The following FKBP9 variants were observed in gnomAD, a reference collection of about 807,000 sequenced individuals.
FKBP9 encodes peptidyl-prolyl cis-trans isomerase FKBP9.
FKBP9 carries 27 observed loss-of-function variants against 55.6 expected under a neutral mutation model. The observed-to-expected ratio is 0.49, with a 90% confidence interval of 0.36 to 0.67. The LOEUF (loss-of-function observed/expected upper bound fraction) is 0.67. Ranked by LOEUF, FKBP9 falls within the 30% of genes least tolerant of loss-of-function variation. The probability of loss-of-function intolerance (pLI) is 0.00; values close to 1 mark genes in which losing one functional copy is unlikely to be tolerated. For synonymous variants in FKBP9, 267 were observed against 296.5 expected (o/e 0.90, Z 1.02); for missense variants, 539 against 742.8 (o/e 0.73, Z 3.19).
At chr7:32,997,776 C>T (rs1283412056) in intron 7 of FKBP9, among the ~76,000 whole-genome samples, 2 of 152,094 alleles carry the variant, frequency 1.3e-5, no homozygotes, top group East Asian at 1.9e-4. Flanking sequence ...TGTAGTGAGC[C>T]GAGATAGCAC....
At chr7:32,958,309 C>G (rs2127974274) in intron 1 of FKBP9, among the ~76,000 whole-genome samples, 1 of 152,328 alleles carries the variant, frequency 6.6e-6, no homozygotes, top group Non-Finnish European at 1.5e-5. Context: ...TAAGTACTTT[C>G]CATATTGTAG....
intron 7 of FKBP9, among the ~76,000 whole-genome samples, chr7:32,997,125 AG>A (rs1784832653): frequency 6.6e-6 from 1 of 151,924 alleles, no homozygotes; most frequent in Admixed American, 6.6e-5. Context: ...GCTGGAGTGC[AG>A]TGGTGCTATC....
intron 5 of FKBP9, among the ~76,000 whole-genome samples, 185 bp downstream of exon 5, chr7:32,980,738 CT>C (rs573436019): frequency 3.3e-5 from 5 of 150,282 alleles, no homozygotes; most frequent in African/African-American, 1.2e-4. Context: ...TTCTTTCTTT[CT>C]TTTTTTTTGA....
chr7:32,960,207 C>T (rs181363835), intron 1 of FKBP9, among the ~76,000 whole-genome samples: 3 of 151,568 alleles, frequency 2.0e-5, no homozygotes, highest in African/African-American at 4.8e-5. Context: ...CCCTGCCTCC[C>T]GGGTTCAAGC....
intron 1 of FKBP9, among the ~76,000 whole-genome samples, chr7:32,969,400 C>A (rs955310965): frequency 2.0e-5 from 3 of 151,792 alleles, no homozygotes; most frequent in African/African-American, 7.3e-5. Context: ...TTGATTGTTT[C>A]CTATGGTATA....
intron 1 of FKBP9, chr7:32,963,506 A>G (rs1430795002): frequency 2.6e-6 from 2 of 767,896 alleles, no homozygotes; most frequent in East Asian, 3.3e-5. Flanking sequence ...TTGGGGCTTC[A>G]TTTTACACAG....
chr7:32,975,103 T>C, intron 2 of FKBP9, 79 bp from the exon 3 acceptor site: 1 of 1,203,872 alleles, frequency 8.3e-7, no homozygotes. Flanking sequence ...CACATTCACC[T>C]TGGGAGCATC....
At chr7:32,977,373 A>C (rs1368745221) in intron 4 of FKBP9, among the ~76,000 whole-genome samples, 2 of 152,234 alleles carry the variant, frequency 1.3e-5, no homozygotes, top group Non-Finnish European at 2.9e-5. Flanking sequence ...GCACTTACAC[A>C]ATCCTAGGTG....
chr7:32,962,167 C>T (rs1400772420), intron 1 of FKBP9, among the ~76,000 whole-genome samples: 4 of 151,992 alleles, frequency 2.6e-5, no homozygotes, highest in East Asian at 1.9e-4. Context: ...GAGGCCAAGG[C>T]GGGCAGATCA....
At chr7:32,997,696 C>T (rs1413459838) in intron 7 of FKBP9, among the ~76,000 whole-genome samples, 3 of 152,128 alleles carry the variant, frequency 2.0e-5, no homozygotes, top group East Asian at 1.9e-4. Flanking sequence ...GGCGTAGTGG[C>T]GGGCAAATGT....
At chr7:32,988,022 A>C (rs1306120321) in intron 5 of FKBP9, among the ~76,000 whole-genome samples, 2 of 152,106 alleles carry the variant, frequency 1.3e-5, no homozygotes, top group Admixed American at 1.3e-4. Flanking sequence ...CTACAAAAAA[A>C]AAAAAGTATT....
At chr7:32,999,350 G>C (rs1176122202) in intron 7 of FKBP9, among the ~76,000 whole-genome samples, 4 of 152,100 alleles carry the variant, frequency 2.6e-5, no homozygotes, top group Admixed American at 2.6e-4. Flanking sequence ...TTTAGGAAGT[G>C]ATAGGAATGG....
At chr7:32,995,470 A>G (rs1183237728) in intron 6 of FKBP9, among the ~76,000 whole-genome samples, 3 of 152,356 alleles carry the variant, frequency 2.0e-5, no homozygotes, top group African/African-American at 4.8e-5. Context: ...TGCCTACCCC[A>G]TAAGGTTGCT....
At chr7:32,963,513 A>G in intron 1 of FKBP9, 2 of 802,490 alleles carry the variant, frequency 2.5e-6, no homozygotes, top group East Asian at 6.5e-5. Flanking sequence ...TTCATTTTAC[A>G]CAGGGATTCA....
chr7:32,993,014 G>A (rs569094367), intron 6 of FKBP9: 551 of 232,030 alleles, frequency 2.4e-3, no homozygotes, highest in African/African-American at 0.011. Flanking sequence ...CTTGTGCCTG[G>A]AATCCTCGGG....
intron 9 of FKBP9, among the ~76,000 whole-genome samples, chr7:33,004,519 C>T (rs1488538728): frequency 6.6e-6 from 1 of 152,148 alleles, no homozygotes; most frequent in Non-Finnish European, 1.5e-5. Flanking sequence ...CTTGTTCGGT[C>T]CTTTCCTTCT....
intron 1 of FKBP9, among the ~76,000 whole-genome samples, chr7:32,966,545 A>G (rs1784149846): frequency 6.6e-6 from 1 of 152,142 alleles, no homozygotes; most frequent in East Asian, 1.9e-4. Context: ...TGTGCATAGT[A>G]TGGGTTGCAT....
At chr7:32,990,869 C>A (rs13230295) in intron 6 of FKBP9, among the ~76,000 whole-genome samples, 1 of 151,898 alleles carries the variant, frequency 6.6e-6, no homozygotes, top group Non-Finnish European at 1.5e-5. Flanking sequence ...AGTGTTCATC[C>A]CAGAGGATCC....
rs557586029 is a variant in FKBP9, at chr7:32,973,906, G to C, written c.222-711G>C. Among the ~76,000 whole-genome samples, 49 of 148,900 alleles carry C rather than the reference G, an allele frequency of 3.3e-4. No individual in the cohort carries two copies. The South Asian group carries it at 0.01, about 31-fold the overall frequency. On this transcript the variant is annotated intron_variant, in intron 1 of 9. Coordinates refer to ENST00000242209, the MANE Select transcript of FKBP9 (RefSeq NM_007270.5). Reference sequence around the variant, plus strand: ...GGGGTTTCACCGTGTTGGCCAGGCTGGTTTCAAACTGCTGACCTCAGGTGA... The same window carrying C: ...GGGGTTTCACCGTGTTGGCCAGGCTCGTTTCAAACTGCTGACCTCAGGTGA...
Sources: allele counts gnomAD v4.1 joint callset (sites outside exome capture counted in the v4.1 genomes callset), GRCh38; gene constraint gnomAD v4.1.1; transcripts MANE v1.5; gene names NCBI Gene and HGNC (gene_info 2026-07-23, HGNC 2026-07-21).